Variants in DPP8 observed in about 807,000 individuals in gnomAD.
The protein encoded by DPP8 is dipeptidyl peptidase 8, also known as DPP VIII.
In DPP8, 31 loss-of-function variants were observed where a neutral mutation model predicts 107.5. That is an observed-to-expected ratio of 0.29 (90% confidence interval 0.22 to 0.39). The LOEUF (loss-of-function observed/expected upper bound fraction) is 0.39. DPP8 is among the 10% of genes least tolerant of loss of function. The pLI, the probability that DPP8 is intolerant of heterozygous loss-of-function variation, is 1.00. For synonymous variants in DPP8, 381 were observed against 356.6 expected (o/e 1.07, Z -0.77); for missense variants, 842 against 1,076.1 (o/e 0.78, Z 3.04).
At chr15:65,453,236 G>C (rs936337131) in intron 17 of DPP8, among the ~76,000 whole-genome samples, 7 of 152,144 alleles carry the variant, frequency 4.6e-5, no homozygotes, top group African/African-American at 1.7e-4. Flanking sequence ...AAGATACAAT[G>C]GTGTACAGGG....
chr15:65,485,346 C>T (rs1020264093), intron 7 of DPP8, among the ~76,000 whole-genome samples, 186 bp from the exon 8 acceptor site: 74 of 151,398 alleles, frequency 4.9e-4, no homozygotes, highest in African/African-American at 1.7e-3. Flanking sequence ...GAGTTTGAGA[C>T]CACCCTGGCC....
intron 1 of DPP8, among the ~76,000 whole-genome samples, chr15:65,513,167 T>C (rs1392780822): frequency 6.6e-6 from 1 of 152,192 alleles, no homozygotes; most frequent in Non-Finnish European, 1.5e-5. Flanking sequence ...CATTTCTGAG[T>C]CTTCTGCTCT....
rs1481886168 is a variant in DPP8, at chr15:65,445,078, T to C, written c.*1806A>G. 2.0e-5 allele frequency: 3 copies of C among 152,140 alleles called. No homozygotes were observed. Among genetic ancestry groups the C allele is most frequent in the African/African-American group, 7.2e-5 (3 of 41,434 alleles). 9.4% of individuals were successfully genotyped at this position (152,140 alleles called of 1,614,324 possible). On this transcript the variant is annotated 3_prime_UTR_variant, in exon 20 of 20. Coordinates refer to ENST00000300141, the MANE Select transcript of DPP8 (RefSeq NM_130434.5). ...ATACAGATAATAAGAAAAAGCGTGGTATCTATTATACAGTATAAATACAAA... is the reference window on the plus strand; with the variant it reads ...ATACAGATAATAAGAAAAAGCGTGGCATCTATTATACAGTATAAATACAAA...
At chr15:65,468,545 A>C (rs1046285302) in intron 12 of DPP8, among the ~76,000 whole-genome samples, 11 of 152,050 alleles carry the variant, frequency 7.2e-5, no homozygotes, top group African/African-American at 2.7e-4. Flanking sequence ...AACACATATA[A>C]ATTTCTAAAA....
chr15:65,466,563 A>C, intron 14 of DPP8, 115 bp downstream of exon 14: 1 of 909,076 alleles, frequency 1.1e-6, no homozygotes, highest in Non-Finnish European at 1.8e-6. Context: ...GCTCAGGGAC[A>C]GGCAGTGGTG....
At chr15:65,511,594 T>C (rs1240326594) in intron 2 of DPP8, among the ~76,000 whole-genome samples, 1 of 145,466 alleles carries the variant, frequency 6.9e-6, no homozygotes, top group Admixed American at 7.1e-5. Flanking sequence ...GAGCCATTAG[T>C]GTGCCACTGC....
chr15:65,466,993 T>C, intron 13 of DPP8, 78 bp downstream of exon 13: 1 of 1,551,118 alleles, frequency 6.4e-7, no homozygotes, highest in Non-Finnish European at 8.8e-7. Context: ...CAGGCCAATT[T>C]CACATCATTC....
At chr15:65,507,549 C>A (rs1028025311) in intron 2 of DPP8, among the ~76,000 whole-genome samples, 194 bp from the exon 3 acceptor site, 1 of 151,422 alleles carries the variant, frequency 6.6e-6, no homozygotes, top group African/African-American at 2.4e-5. Flanking sequence ...GCTAGCCTGG[C>A]ACAGTACACA....
rs2140458920 is a variant in DPP8 at position 65,463,866 on chromosome 15, A to G, written c.1866T>C (p.Phe622=). ...ACAATGTAAATCCAGTAGTACTTTC[A>G]AAAGAGAAAATTTCTGGAGGAGTAT... is the stretch of plus-strand genomic sequence containing the variant. ...PDYTPPEIFS[F]ESTTGFTLYG... Residue 622 remains phenylalanine, a synonymous_variant, in exon 15 of 20, where the codon TTT becomes TTC. Coordinates refer to ENST00000300141, the MANE Select transcript of DPP8 (RefSeq NM_130434.5). 6.3e-7 allele frequency: 1 copy of G among 1,596,666 alleles called. No individual in the cohort carries two copies. The highest frequency in any genetic ancestry group is 8.5e-7 in the Non-Finnish European group (1 of 1,174,328).
At chr15:65,495,906 A>T (rs2068543007) in intron 5 of DPP8, among the ~76,000 whole-genome samples, 1 of 152,108 alleles carries the variant, frequency 6.6e-6, no homozygotes, top group Admixed American at 6.5e-5. Flanking sequence ...ACAAAAAAGA[A>T]CAAAAAAACA....
At chr15:65,472,631 G>A (rs891797794) in intron 12 of DPP8, among the ~76,000 whole-genome samples, 1 of 152,126 alleles carries the variant, frequency 6.6e-6, no homozygotes, top group South Asian at 2.1e-4. Context: ...GACACAAGTA[G>A]TCTATAATAG....
At chr15:65,470,214 AAAAAAAGAAAG>A (rs2065748419) in intron 12 of DPP8, among the ~76,000 whole-genome samples, 1 of 150,962 alleles carries the variant, frequency 6.6e-6, no homozygotes, top group African/African-American at 2.4e-5. Flanking sequence ...AAAAAAAAAA[AAAAAAAGAAAG>A]AAAAAAGAAA....
In DPP8 at chr15:65,487,723, T is replaced by C. The variant is rs2067581431; in HGVS notation, c.922A>G (p.Arg308Gly). ...IHVTSPMLETRRADSFRYPKT... is the reference protein window; with the variant it reads ...IHVTSPMLETGRADSFRYPKT... ...GGATAACGGAATGAATCTGCCCTCCTTGTTTCCAACATAGGGGATGTAACA... is the reference window on the plus strand; with the variant it reads ...GGATAACGGAATGAATCTGCCCTCCCTGTTTCCAACATAGGGGATGTAACA... The change falls in exon 7 of 20, where the codon AGG becomes GGG. Residue 308 changes from arginine (R) to glycine (G), a missense_variant. Transcript: ENST00000300141. The C allele has an allele frequency of 3.7e-6, 6 of 1,610,384 alleles. No homozygotes were observed. Among genetic ancestry groups the C allele is most frequent in the African/African-American group, 2.7e-5 (2 of 74,748 alleles).
intron 14 of DPP8, among the ~76,000 whole-genome samples, chr15:65,465,423 C>A (rs1293706939): frequency 6.6e-6 from 1 of 151,986 alleles, no homozygotes; most frequent in Non-Finnish European, 1.5e-5. Context: ...CCACCTCAGC[C>A]TCCCAAAGTG....
chr15:65,459,724 G>A (rs1451647732), intron 15 of DPP8, among the ~76,000 whole-genome samples: 1 of 152,184 alleles, frequency 6.6e-6, no homozygotes, highest in Non-Finnish European at 1.5e-5. Flanking sequence ...GGAGGCCGAG[G>A]TGGGTAGATC....
Position 65,500,778 on chromosome 15 carries a change from G to A in DPP8, c.374C>T (p.Ala125Val), listed in dbSNP as rs1237594665. 1 of 1,601,510 alleles carries A rather than the reference G, an allele frequency of 6.2e-7. No individual in the cohort carries two copies. Among genetic ancestry groups the A allele is most frequent in the Non-Finnish European group, 8.5e-7 (1 of 1,172,972 alleles). The change falls in exon 4 of 20, where the codon GCA becomes GTA. Residue 125 changes from alanine (A) to valine (V), a missense_variant and splice_region_variant. By Grantham distance (64) the Ala-to-Val change is moderately conservative. This residue lies in a region of DPP8 where 663 missense variants were observed against 758.0 expected (regional missense o/e 0.87). Transcript: ENST00000300141. Reference sequence around the variant, plus strand: ...AGAATACATTCCATAGTCCAGTGTTGCCTAATGTGAAAGGAAAGTCACCTA... The same window carrying A: ...AGAATACATTCCATAGTCCAGTGTTACCTAATGTGAAAGGAAAGTCACCTA... ...SWKPLLDLFQATLDYGMYSRE... is the reference protein window; with the variant it reads ...SWKPLLDLFQVTLDYGMYSRE...
intron 2 of DPP8, among the ~76,000 whole-genome samples, chr15:65,509,983 T>C (rs2070550321): frequency 6.6e-6 from 1 of 151,908 alleles, no homozygotes; most frequent in African/African-American, 2.4e-5. Flanking sequence ...ATCACACCAC[T>C]GCACTCCAGC....
chr15:65,496,110 A>G (rs2068572428), intron 5 of DPP8, among the ~76,000 whole-genome samples: 1 of 150,976 alleles, frequency 6.6e-6, no homozygotes, highest in Admixed American at 6.6e-5. Context: ...TGGCCTCCTT[A>G]GTAGCTGGGA....
chr15:65,510,841 A>G (rs1219810785), intron 2 of DPP8, among the ~76,000 whole-genome samples: 2 of 152,176 alleles, frequency 1.3e-5, no homozygotes, highest in African/African-American at 4.8e-5. Context: ...GCCCAGCCAC[A>G]AACGGCTTTT....
Sources: gnomAD v4.1 joint callset for allele counts (sites outside exome capture counted in the v4.1 genomes callset) on GRCh38, gnomAD v4.1.1 for gene constraint, gnomAD v4.1.1 regional missense constraint, MANE v1.5 for transcripts, NCBI Gene and HGNC (gene_info 2026-07-23, HGNC 2026-07-21) for gene names.